The following SERPINI1 variants were observed in gnomAD, a reference collection of about 807,000 sequenced individuals.
SERPINI1 encodes neuroserpin.
A neutral mutation model predicts 41.1 loss-of-function variants in SERPINI1; 19 were observed. The observed-to-expected ratio is 0.46, with a 90% confidence interval of 0.32 to 0.68. SERPINI1 has a LOEUF of 0.68. Among genes scored for constraint, SERPINI1 ranks in the 30% least tolerant of loss-of-function variants. SERPINI1 has a pLI of 0.03. For synonymous variants in SERPINI1, 138 were observed against 156.6 expected (o/e 0.88, Z 0.89); for missense variants, 460 against 479.2 (o/e 0.96, Z 0.37).
chr3:167,788,594 T>G (rs1049162853), intron 1 of SERPINI1, among the ~76,000 whole-genome samples: 2 of 152,220 alleles, frequency 1.3e-5, no homozygotes, highest in African/African-American at 4.8e-5. Context: ...TCCTGTGGAC[T>G]CTGCAACCTG....
At chr3:167,772,885 TATATATATACACACACACACAC>T (rs1326937378) in intron 1 of SERPINI1, among the ~76,000 whole-genome samples, 21 of 74,208 alleles carry the variant, frequency 2.8e-4, no homozygotes, top group South Asian at 3.9e-4. Flanking sequence ...TATATATATA[TATATATATACACACACACACAC>T]ACACACACAC....
intron 4 of SERPINI1, among the ~76,000 whole-genome samples, chr3:167,793,594 A>T (rs867953679): frequency 0.03 from 3,231 of 106,406 alleles, 138 homozygotes; most frequent in African/African-American, 0.11. Flanking sequence ...ATATATATAT[A>T]TATTTTTAAT....
At chr3:167,769,820 T>C (rs1430401498) in intron 1 of SERPINI1, among the ~76,000 whole-genome samples, 1 of 152,152 alleles carries the variant, frequency 6.6e-6, no homozygotes, top group Non-Finnish European at 1.5e-5. Context: ...ATTTGTAATA[T>C]CTTTTTTATG....
At chr3:167,823,736 C>G (rs537587019) in intron 7 of SERPINI1, among the ~76,000 whole-genome samples, 2 of 152,126 alleles carry the variant, frequency 1.3e-5, no homozygotes, top group Admixed American at 1.3e-4. Flanking sequence ...ACTAACTATC[C>G]CAACATACCC....
chr3:167,788,966 G>A (rs1186190941), intron 1 of SERPINI1, 145 bp from the exon 2 acceptor site: 1 of 746,820 alleles, frequency 1.3e-6, no homozygotes, highest in Non-Finnish European at 2.2e-6. Flanking sequence ...TCTTGTTCCT[G>A]GGAGAATCCT....
At chr3:167,818,459 G>A (rs1190889124) in intron 6 of SERPINI1, among the ~76,000 whole-genome samples, 1 of 151,954 alleles carries the variant, frequency 6.6e-6, no homozygotes, top group Non-Finnish European at 1.5e-5. Flanking sequence ...AACATTTACT[G>A]CAGAAAATTA....
intron 1 of SERPINI1, among the ~76,000 whole-genome samples, chr3:167,738,889 C>T (rs1429964713): frequency 6.6e-6 from 1 of 151,382 alleles, no homozygotes; most frequent in Non-Finnish European, 1.5e-5. Context: ...AAAAATCCTA[C>T]CTGTATACAC....
chr3:167,739,624 A>G (rs1725603299), intron 1 of SERPINI1, among the ~76,000 whole-genome samples: 1 of 152,184 alleles, frequency 6.6e-6, no homozygotes, highest in Non-Finnish European at 1.5e-5. Context: ...CTCAACCACC[A>G]TTTAACCTCA....
chr3:167,805,811 T>G (rs1485805425), intron 5 of SERPINI1, among the ~76,000 whole-genome samples: 1 of 152,138 alleles, frequency 6.6e-6, no homozygotes, highest in African/African-American at 2.4e-5. Flanking sequence ...CTTTCCCCAT[T>G]GCTTGTTTTT....
chr3:167,794,958 C>G (rs1012053141), intron 5 of SERPINI1, 134 bp downstream of exon 5: 5 of 711,374 alleles, frequency 7.0e-6, no homozygotes, highest in Non-Finnish European at 1.2e-5. Context: ...TTGTTCTTCT[C>G]CTTCTCTTTC....
intron 6 of SERPINI1, among the ~76,000 whole-genome samples, chr3:167,821,361 G>A (rs1038599321): frequency 6.6e-6 from 1 of 152,210 alleles, no homozygotes; most frequent in Non-Finnish European, 1.5e-5. Flanking sequence ...TTGAAGCTCT[G>A]CGGTTCCCGG....
intron 6 of SERPINI1, among the ~76,000 whole-genome samples, chr3:167,813,135 C>T (rs547662786): frequency 1.3e-5 from 2 of 152,158 alleles, no homozygotes; most frequent in Non-Finnish European, 2.9e-5. Flanking sequence ...TTACCCTCTG[C>T]CCTTGTTTGT....
intron 1 of SERPINI1, among the ~76,000 whole-genome samples, chr3:167,772,511 G>C (rs1360931464): frequency 2.0e-5 from 3 of 151,956 alleles, no homozygotes; most frequent in Non-Finnish European, 4.4e-5. Flanking sequence ...AAATATAGCT[G>C]TATAGATCTC....
intron 4 of SERPINI1, among the ~76,000 whole-genome samples, chr3:167,793,326 G>A (rs1248771326): frequency 6.6e-6 from 1 of 152,010 alleles, no homozygotes; most frequent in Non-Finnish European, 1.5e-5. Context: ...CTCTTCAGAA[G>A]TTTAGGGTAT....
Position 167,778,020 on chromosome 3 carries a change from C to G in SERPINI1, c.-18-11091C>G, listed in dbSNP as rs1224075889. ...CAGCCTTCCACAATGGGATGACCCT[C>G]ATCTGATGCTGGTGCCATGCTCTTG... On this transcript the variant is annotated intron_variant, in intron 1 of 8. Transcript: ENST00000446050. 2.0e-5 allele frequency among the ~76,000 whole-genome samples: 3 copies of G among 152,214 alleles called. No individual in the cohort carries two copies. In the East Asian group the frequency reaches 5.8e-4, roughly 29 times the overall value.
intron 1 of SERPINI1, among the ~76,000 whole-genome samples, chr3:167,736,490 C>A (rs547862922): frequency 6.6e-6 from 1 of 152,318 alleles, no homozygotes; most frequent in African/African-American, 2.4e-5. Context: ...GACCTGGATT[C>A]AGCCTACAAT....
chr3:167,820,900 A>C (rs1712301985), intron 6 of SERPINI1, among the ~76,000 whole-genome samples: 1 of 152,174 alleles, frequency 6.6e-6, no homozygotes, highest in Admixed American at 6.5e-5. Context: ...CCCATGGATC[A>C]ATCAGCACAT....
intron 5 of SERPINI1, among the ~76,000 whole-genome samples, chr3:167,806,265 C>T (rs1278434080): frequency 6.6e-6 from 1 of 151,460 alleles, no homozygotes; most frequent in Non-Finnish European, 1.5e-5. Flanking sequence ...AAGTAGGAGT[C>T]GAACAATGAG....
At chr3:167,774,502 A>G (rs1404206021) in intron 1 of SERPINI1, among the ~76,000 whole-genome samples, 7 of 152,148 alleles carry the variant, frequency 4.6e-5, no homozygotes, top group Admixed American at 4.6e-4. Context: ...CTGATCTTAT[A>G]AAGCAGAGGT....
Sources: allele counts gnomAD v4.1 joint callset (sites outside exome capture counted in the v4.1 genomes callset), GRCh38; gene constraint gnomAD v4.1.1; transcripts MANE v1.5; gene names NCBI Gene and HGNC (gene_info 2026-07-23, HGNC 2026-07-21).